ESR1: variants seen among roughly 807,000 people sequenced by gnomAD.
ESR1 encodes estrogen receptor 1.
In ESR1, 12 loss-of-function variants were observed where a neutral mutation model predicts 52.7. That is an observed-to-expected ratio of 0.23 (90% confidence interval 0.15 to 0.37). The LOEUF (loss-of-function observed/expected upper bound fraction) is 0.37, where lower values mean the gene tolerates loss of function less well. ESR1 is among the 10% of genes least tolerant of loss of function. The probability of loss-of-function intolerance (pLI) is 1.00; values close to 1 mark genes in which losing one functional copy is unlikely to be tolerated. For synonymous variants in ESR1, 305 were observed against 316.8 expected, an observed-to-expected ratio of 0.96 and a Z score of 0.39; for missense variants, 584 against 779.7, an observed-to-expected ratio of 0.75 and a Z score of 2.99.
At chr6:151,930,892 G>A (rs904494030) in intron 3 of ESR1, among the ~76,000 whole-genome samples, 1 of 152,094 alleles carries the variant, frequency 6.6e-6, no homozygotes, top group Non-Finnish European at 1.5e-5. Flanking sequence ...GAAATCTGCT[G>A]TATTTCATCC....
intron 3 of ESR1, among the ~76,000 whole-genome samples, chr6:151,887,202 TG>T (rs1349204221): frequency 1.3e-5 from 2 of 152,074 alleles, no homozygotes; most frequent in African/African-American, 4.8e-5. Context: ...AAAGGTAGGT[TG>T]GGGTGCTCCT....
chr6:151,943,686 A>G (rs1012888611), intron 3 of ESR1, among the ~76,000 whole-genome samples: 2 of 152,174 alleles, frequency 1.3e-5, no homozygotes, highest in Non-Finnish European at 1.5e-5. Flanking sequence ...AAATGCTTTT[A>G]AAAATGCCCT....
rs1172047540 is a variant in ESR1, at chr6:151,808,105, G to C, written c.193G>C (p.Ala65Pro). The change falls in exon 1 of 8, where the codon GCG (alanine) becomes CCG (proline). Residue 65 changes from alanine (A) to proline (P), a missense_variant. Ala to Pro is a conservative substitution (Grantham distance 27). Around this residue, in one of 6 missense-constraint regions of ESR1, gnomAD observed 251 missense variants for 246.1 expected, o/e 1.02. Coordinates refer to ENST00000206249, the MANE Select transcript of ESR1 (RefSeq NM_000125.4). ...PEGAAYEFNAAAAANAQVYGQ... is the reference protein window; with the variant it reads ...PEGAAYEFNAPAAANAQVYGQ... ...GGGCGCCGCCTACGAGTTCAACGCC[G>C]CGGCCGCCGCCAACGCGCAGGTCTA... 6.2e-7 allele frequency: 1 copy of C among 1,611,252 alleles called. No homozygotes were observed. Among genetic ancestry groups the C allele is most frequent in the Non-Finnish European group, 8.5e-7 (1 of 1,179,358 alleles).
In ESR1 at chr6:152,097,423, TAAAC is replaced by T. The variant is rs2050706028; in HGVS notation, c.1554-1306_1554-1303del. Among the ~76,000 whole-genome samples, 3 of 152,174 alleles carry T rather than the reference TAAAC, an allele frequency of 2.0e-5. No homozygotes were observed. The South Asian group carries it at 6.2e-4, about 32-fold the overall frequency. On this transcript the variant is annotated intron_variant, in intron 7 of 7. Coordinates refer to ENST00000206249, the MANE Select transcript of ESR1 (RefSeq NM_000125.4). ...AATGAAAAAAAAAAAAAGTAACACT[TAAAC>T]AAGTAATTTAGATCATGCTGTAGGC...
intron 3 of ESR1, among the ~76,000 whole-genome samples, chr6:151,938,874 G>C (rs1015630724): frequency 6.6e-6 from 1 of 152,190 alleles, no homozygotes; most frequent in African/African-American, 2.4e-5. Context: ...CTTACAGTGG[G>C]CTTGCAGGAT....
intron 4 of ESR1, among the ~76,000 whole-genome samples, chr6:151,968,194 G>A (rs1337535083): frequency 1.3e-5 from 2 of 152,122 alleles, no homozygotes; most frequent in African/African-American, 2.4e-5. Context: ...TTAATAAATG[G>A]TGTTGGGAAA....
intron 4 of ESR1, among the ~76,000 whole-genome samples, chr6:151,995,844 T>C (rs1252320641): frequency 6.6e-6 from 1 of 152,198 alleles, no homozygotes; most frequent in Non-Finnish European, 1.5e-5. Flanking sequence ...CACTTTATAC[T>C]TACTGATTTC....
At chr6:151,980,682 T>C (rs2039905913) in intron 4 of ESR1, among the ~76,000 whole-genome samples, 1 of 152,150 alleles carries the variant, frequency 6.6e-6, no homozygotes, top group Admixed American at 6.6e-5. Flanking sequence ...ATAGATGAAC[T>C]TTGCAAACCA....
In ESR1 at chr6:152,110,363, C is replaced by T. The variant is rs1296050570; in HGVS notation, c.851-14903C>T. ...TATGCAGCCATGAAAAGAATGAGAA[C>T]ATGTTCTCTGCAGGAACATGGATGG... On this transcript the variant is annotated intron_variant, in intron 6 of 6. Coordinates refer to the ESR1 transcript ENST00000427531. Among the ~76,000 whole-genome samples, 6 of 152,200 alleles carry T rather than the reference C, an allele frequency of 3.9e-5. No individual in the cohort carries two copies. The South Asian group carries it at 8.3e-4, about 21-fold the overall frequency.
At chr6:151,904,746 C>T (rs907705618) in intron 3 of ESR1, among the ~76,000 whole-genome samples, 1 of 151,968 alleles carries the variant, frequency 6.6e-6, no homozygotes, top group Non-Finnish European at 1.5e-5. Flanking sequence ...CTGTAGTTCA[C>T]CATTTATTCA....
chr6:151,932,570 G>T (rs2033805039), intron 3 of ESR1, among the ~76,000 whole-genome samples: 1 of 112,324 alleles, frequency 8.9e-6, no homozygotes, highest in Admixed American at 9.8e-5. Context: ...TTTCTTCTAG[G>T]GTTTTTATGG....
chr6:151,942,763 A>G (rs1369656567), intron 3 of ESR1, among the ~76,000 whole-genome samples: 5 of 152,240 alleles, frequency 3.3e-5, no homozygotes, highest in African/African-American at 1.2e-4. Flanking sequence ...GTGATATGTT[A>G]TAAAGAGCAT....
chr6:151,806,974 A>G (rs1777980561), upstream of ESR1, among the ~76,000 whole-genome samples: 1 of 152,194 alleles, frequency 6.6e-6, no homozygotes, highest in Admixed American at 6.5e-5. Flanking sequence ...CAACATAAAC[A>G]CACAAGTCAG....
chr6:151,752,512 C>G (rs575414537), intron 2 of ESR1, among the ~76,000 whole-genome samples: 1 of 147,988 alleles, frequency 6.8e-6, no homozygotes, highest in Non-Finnish European at 1.5e-5. Flanking sequence ...GCTGCAGGCT[C>G]CCTATGTATG....
At chr6:151,665,649 T>A (rs1777796765) in intron 1 of ESR1, among the ~76,000 whole-genome samples, 1 of 152,152 alleles carries the variant, frequency 6.6e-6, no homozygotes, top group Non-Finnish European at 1.5e-5. Flanking sequence ...CATCCCTCCC[T>A]TTCCCATGCC....
At chr6:152,006,644 A>T (rs184098301) in intron 4 of ESR1, among the ~76,000 whole-genome samples, 6 of 151,908 alleles carry the variant, frequency 3.9e-5, no homozygotes, top group South Asian at 2.1e-4. Flanking sequence ...TTTTTTTCCC[A>T]TACTGTACTC....
At chr6:152,008,237 C>CT (rs1186275406) in intron 4 of ESR1, among the ~76,000 whole-genome samples, 1 of 152,122 alleles carries the variant, frequency 6.6e-6, no homozygotes, top group Non-Finnish European at 1.5e-5. Context: ...CCTGCACACT[C>CT]TCTCCCAACC....
At chr6:151,672,616 C>T (rs922959603) in intron 1 of ESR1, among the ~76,000 whole-genome samples, 1 of 152,026 alleles carries the variant, frequency 6.6e-6, no homozygotes, top group Non-Finnish European at 1.5e-5. Flanking sequence ...GGATAACAGG[C>T]GTGAGCCACT....
chr6:151,683,010 C>G (rs145132249), intron 1 of ESR1, among the ~76,000 whole-genome samples: 2 of 152,302 alleles, frequency 1.3e-5, no homozygotes, highest in East Asian at 1.9e-4. Context: ...ATATTACTAT[C>G]CGGGTGAAGC....
Sources: allele counts gnomAD v4.1 joint callset (sites outside exome capture counted in the v4.1 genomes callset), GRCh38; gene constraint gnomAD v4.1.1; regional missense constraint gnomAD v4.1.1; transcripts MANE v1.5; gene names NCBI Gene and HGNC (gene_info 2026-07-23, HGNC 2026-07-21).